Variants in FTCDNL1 observed in about 807,000 individuals in gnomAD.
FTCDNL1 encodes the protein formiminotransferase N-terminal subdomain-containing protein.
In FTCDNL1, 11 loss-of-function variants were observed where a neutral mutation model predicts 5.9. That is an observed-to-expected ratio of 1.87 (90% CI 1.18 to 3.10). The LOEUF is 3.10. Ranked by LOEUF, FTCDNL1 falls within the 30% of genes most tolerant of loss-of-function variation. The pLI is 0.00. For missense variants in FTCDNL1, 115 were observed against 65.5 expected, an observed-to-expected ratio of 1.76 and a Z score of -2.61; for synonymous variants, 58 against 24.8, an observed-to-expected ratio of 2.34 and a Z score of -3.99.
At chr2:199,736,334 G>A in the FTCDNL1 span, among the ~76,000 whole-genome samples, 1 of 152,130 alleles carries the variant, frequency 6.6e-6, no homozygotes, top group Non-Finnish European at 1.5e-5. Context: ...AGCTTCCTTG[G>A]ATCATTTACC....
chr2:199,823,101 C>T (rs1355514098), intron 3 of FTCDNL1, among the ~76,000 whole-genome samples: 1 of 152,242 alleles, frequency 6.6e-6, no homozygotes, highest in African/African-American at 2.4e-5. Flanking sequence ...CCGCCAGCTG[C>T]AGCCTCCCAA....
At chr2:199,685,149 T>C in the FTCDNL1 span, among the ~76,000 whole-genome samples, 1 of 152,156 alleles carries the variant, frequency 6.6e-6, no homozygotes, top group Non-Finnish European at 1.5e-5. Context: ...GGCCTGAACA[T>C]AGAAAACCTT....
intron 4 of FTCDNL1, chr2:199,818,374 T>C (rs1300043236): frequency 2.6e-5 from 4 of 152,212 alleles, no homozygotes; most frequent in Non-Finnish European, 5.9e-5. Flanking sequence ...ATTTGTAATA[T>C]CACTTTTATT....
At chr2:199,747,554 C>T in the FTCDNL1 span, among the ~76,000 whole-genome samples, 10 of 135,948 alleles carry the variant, frequency 7.4e-5, no homozygotes, top group Admixed American at 3.1e-4. Context: ...ATTCCCATCG[C>T]TAAAACCCTC....
chr2:199,727,099 G>A, the FTCDNL1 span, among the ~76,000 whole-genome samples: 1 of 152,186 alleles, frequency 6.6e-6, no homozygotes. Context: ...TAAACCCCTG[G>A]TTGGAGTGGC....
rs2076798370 is a variant in FTCDNL1, at chr2:199,848,834, T to C, written c.115+14A>G. On this transcript the variant is annotated intron_variant, in intron 2 of 4. Transcript: ENST00000420128. ...ACACTATAATATTCAGCTTCAATTG[T>C]CTGTTTTTCCTACCATTTTTGTCAA... is the stretch of plus-strand genomic sequence containing the variant. The C allele has an allele frequency of 1.4e-6, 1 of 701,450 alleles. No homozygotes were observed. Among genetic ancestry groups the C allele is most frequent in the East Asian group, 2.7e-5 (1 of 37,284 alleles). The allele number at this position is 701,450 out of a possible 1,614,324, so 43.5% of individuals were successfully genotyped here.
At chr2:199,757,092 T>C (rs1698098250), downstream of FTCDNL1, among the ~76,000 whole-genome samples, 1 of 152,178 alleles carries the variant, frequency 6.6e-6, no homozygotes, top group Non-Finnish European at 1.5e-5. Flanking sequence ...TGCAATCTAC[T>C]ACAGAAGTCA....
chr2:199,707,010 G>A, the FTCDNL1 span, among the ~76,000 whole-genome samples: 1 of 152,210 alleles, frequency 6.6e-6, no homozygotes, highest in Non-Finnish European at 1.5e-5. Context: ...GGCCATATTT[G>A]AGCTTTCTCA....
intron 4 of FTCDNL1, chr2:199,819,360 G>GCC: frequency 1.8e-6 from 1 of 568,220 alleles, no homozygotes; most frequent in Admixed American, 3.0e-5. Context: ...ACTTCTGGGG[G>GCC]CCCTCATCAA....
At chr2:199,685,057 C>T in the FTCDNL1 span, among the ~76,000 whole-genome samples, 1 of 152,014 alleles carries the variant, frequency 6.6e-6, no homozygotes, top group African/African-American at 2.4e-5. Context: ...CTGTGGAGCT[C>T]GTACTTCCTC....
At chr2:199,724,251 T>G in the FTCDNL1 span, among the ~76,000 whole-genome samples, 13 of 152,168 alleles carry the variant, frequency 8.5e-5, no homozygotes, top group Non-Finnish European at 1.5e-4. Context: ...CATTTTTTAT[T>G]GTGTCCATTT....
intron 3 of FTCDNL1, among the ~76,000 whole-genome samples, chr2:199,772,271 T>C (rs955411146): frequency 2.6e-5 from 4 of 152,184 alleles, no homozygotes; most frequent in Non-Finnish European, 5.9e-5. Flanking sequence ...AGCTTATAAA[T>C]TGTTTATCTC....
the FTCDNL1 span, among the ~76,000 whole-genome samples, chr2:199,682,920 T>C: frequency 1.3e-5 from 2 of 152,228 alleles, no homozygotes; most frequent in African/African-American, 2.4e-5. Flanking sequence ...TTTTGGAAGT[T>C]CTTTTTAGAA....
At chr2:199,768,167 T>C (rs62178288) in intron 3 of FTCDNL1, among the ~76,000 whole-genome samples, 137 of 152,326 alleles carry the variant, frequency 9.0e-4, no homozygotes, top group Admixed American at 2.0e-3. Flanking sequence ...GGGAATTAAT[T>C]ATACTGATTC....
chr2:199,720,510 C>T, the FTCDNL1 span, among the ~76,000 whole-genome samples: 1 of 152,258 alleles, frequency 6.6e-6, no homozygotes, highest in Middle Eastern at 3.4e-3. Context: ...GGTCACGATC[C>T]CTCTAAAGCA....
At position 199,765,530 on chromosome 2, in the gene FTCDNL1, CAT is replaced by C. The variant is rs370182054; in HGVS notation, c.212-4697_212-4696del. Among the ~76,000 whole-genome samples, 696 of 89,224 alleles carry C rather than the reference CAT, an allele frequency of 7.8e-3. 12 individuals carry two copies. Among genetic ancestry groups the C allele is most frequent in the East Asian group, 0.061 (142 of 2,332 alleles). 58.5% of individuals were successfully genotyped at this position (89,224 alleles called of 152,430 possible). A position where few individuals can be genotyped will look rare whatever the true frequency, so the allele number is the denominator to read the frequency against. On this transcript the variant is annotated intron_variant, in intron 3 of 3. Transcript: ENST00000416668. ...CCACGTGGCATCTCTTTTTTGTCTT[CAT>C]TATATATATATATATATATATATAT... is the stretch of plus-strand genomic sequence containing the variant.
the FTCDNL1 span, among the ~76,000 whole-genome samples, chr2:199,735,284 C>A: frequency 6.6e-6 from 1 of 152,134 alleles, no homozygotes; most frequent in Non-Finnish European, 1.5e-5. Flanking sequence ...CAATTTCCCA[C>A]ATGTTGGAGA....
the FTCDNL1 span, among the ~76,000 whole-genome samples, chr2:199,688,127 G>A: frequency 6.6e-6 from 1 of 151,436 alleles, no homozygotes; most frequent in Admixed American, 6.6e-5. Context: ...AGCTACTCAG[G>A]AGGGTAAGGC....
At chr2:199,776,397 C>CT (rs1699072412) in intron 3 of FTCDNL1, among the ~76,000 whole-genome samples, 1 of 152,232 alleles carries the variant, frequency 6.6e-6, no homozygotes, top group South Asian at 2.1e-4. Flanking sequence ...AATCACACTA[C>CT]TTTAATGCAC....
Sources: gnomAD v4.1 joint callset for allele counts (sites outside exome capture counted in the v4.1 genomes callset) on GRCh38, gnomAD v4.1.1 for gene constraint, MANE v1.5 for transcripts, NCBI Gene and HGNC (gene_info 2026-07-23, HGNC 2026-07-21) for gene names.